Variants in SRPK2 observed in about 807,000 individuals in gnomAD.
SRPK2 encodes SRSF protein kinase 2.
Under a neutral mutation model 90.8 loss-of-function variants are expected in SRPK2, and 21 were observed. The ratio of observed to expected loss-of-function variants is 0.23; its 90% CI spans 0.16 to 0.33. The LOEUF (loss-of-function observed/expected upper bound fraction) is 0.33, where lower values mean the gene tolerates loss of function less well. Ranked by LOEUF, SRPK2 falls within the 10% of genes least tolerant of loss-of-function variation. The pLI is 1.00. For synonymous variants in SRPK2, 288 were observed against 311.1 expected (o/e 0.93, Z 0.78); for missense variants, 620 against 869.0 (o/e 0.71, Z 3.60).
chr7:105,126,112 C>G, intron 15 of SRPK2, 136 bp downstream of exon 15: 1 of 777,956 alleles, frequency 1.3e-6, no homozygotes, highest in African/African-American at 1.7e-5. Context: ...GACAATTTTT[C>G]TATCAGCATA....
At chr7:105,341,776 G>A (rs1437983613) in intron 2 of SRPK2, among the ~76,000 whole-genome samples, 1 of 152,114 alleles carries the variant, frequency 6.6e-6, no homozygotes, top group African/African-American at 2.4e-5. Context: ...AAACCAGCCT[G>A]GCCAACATGG....
At chr7:105,330,696 A>C (rs1458951399) in intron 2 of SRPK2, among the ~76,000 whole-genome samples, 1 of 152,224 alleles carries the variant, frequency 6.6e-6, no homozygotes, top group Non-Finnish European at 1.5e-5. Flanking sequence ...TGGTGGCAAG[A>C]GGGTCACGTG....
intron 6 of SRPK2, among the ~76,000 whole-genome samples, chr7:105,161,380 T>C (rs1807627105): frequency 6.6e-6 from 1 of 152,306 alleles, no homozygotes; most frequent in East Asian, 1.9e-4. Context: ...AATCTATGAA[T>C]GGGGAACCAG....
upstream of SRPK2, among the ~76,000 whole-genome samples, chr7:105,390,418 G>T (rs1822128619): frequency 6.6e-6 from 1 of 151,276 alleles, no homozygotes. Flanking sequence ...TTTGTGTTTT[G>T]GTTTTCTTTC....
At chr7:105,331,338 C>A (rs868318249) in intron 2 of SRPK2, among the ~76,000 whole-genome samples, 9,733 of 56,962 alleles carry the variant, frequency 0.17, 23 homozygotes, top group African/African-American at 0.21. Context: ...AAAAAAAAAA[C>A]AAATAGTTAT....
intron 2 of SRPK2, among the ~76,000 whole-genome samples, chr7:105,359,026 C>A (rs968248181): frequency 5.9e-5 from 9 of 151,968 alleles, no homozygotes; most frequent in African/African-American, 2.2e-4. Context: ...AAGAATGACA[C>A]CTCAAGCCAT....
At chr7:105,136,782 C>T (rs1397192008) in intron 11 of SRPK2, among the ~76,000 whole-genome samples, 2 of 152,060 alleles carry the variant, frequency 1.3e-5, no homozygotes, top group Non-Finnish European at 2.9e-5. Flanking sequence ...ACTATGAGGC[C>T]CAAGGAAGTA....
At position 105,293,455 on chromosome 7, in the gene SRPK2, G is replaced by A. The variant is rs915155424; in HGVS notation, c.72-89670C>T. Reference sequence around the variant, plus strand: ...ATACAAATATCATTTCCTTTTTTGTGGGGGGGTGGGAGACAGAGTCTTTGC... The same window carrying A: ...ATACAAATATCATTTCCTTTTTTGTAGGGGGGTGGGAGACAGAGTCTTTGC... On this transcript the variant is annotated intron_variant, in intron 2 of 15. Transcript: ENST00000393651. Among the ~76,000 whole-genome samples, 6 of 151,078 alleles carry A rather than the reference G, an allele frequency of 4.0e-5. No homozygotes were observed. In the South Asian group the frequency reaches 8.4e-4, roughly 21 times the overall value.
intron 7 of SRPK2, among the ~76,000 whole-genome samples, chr7:105,151,362 GGGA>G (rs1284117652): frequency 6.6e-6 from 1 of 152,136 alleles, no homozygotes; most frequent in Non-Finnish European, 1.5e-5. Flanking sequence ...TCTCATCTAT[GGGA>G]GGGGGAAACA....
intron 3 of SRPK2, among the ~76,000 whole-genome samples, chr7:105,178,317 A>G (rs1034326013): frequency 7.9e-5 from 12 of 152,348 alleles, no homozygotes; most frequent in African/African-American, 2.9e-4. Context: ...CCTCTGGCAC[A>G]ACCATTAAAC....
At chr7:105,169,390 A>C in intron 3 of SRPK2, 125 bp from the exon 4 acceptor site, 1 of 664,370 alleles carries the variant, frequency 1.5e-6, no homozygotes, top group Non-Finnish European at 2.5e-6. Context: ...AGACTAAAAC[A>C]TGTTTAATAA....
intron 2 of SRPK2, among the ~76,000 whole-genome samples, chr7:105,258,117 A>AT (rs1287765284): frequency 1.3e-5 from 2 of 151,646 alleles, no homozygotes; most frequent in Non-Finnish European, 1.5e-5. Flanking sequence ...AAACAAAAAA[A>AT]AAAGGAAAGC....
At chr7:105,138,747 C>T (rs112070584) in intron 11 of SRPK2, among the ~76,000 whole-genome samples, 3,000 of 152,168 alleles carry the variant, frequency 0.02, 109 homozygotes, top group African/African-American at 0.069. Flanking sequence ...TGCAGTGAAC[C>T]GAGATCACGC....
intron 2 of SRPK2, among the ~76,000 whole-genome samples, chr7:105,212,765 G>T (rs1270964635): frequency 6.6e-6 from 1 of 152,186 alleles, no homozygotes; most frequent in Non-Finnish European, 1.5e-5. Context: ...CCAGGACAGA[G>T]ATGATTAAAA....
At chr7:105,399,196 G>A (rs1822403349) in exon 1 of SRPK2, 1 of 152,196 alleles carries the variant, frequency 6.6e-6, no homozygotes, top group African/African-American at 2.4e-5. Context: ...TTTAGCTGGT[G>A]AGTCAAGATG....
chr7:105,238,725 T>C (rs1800434249), intron 2 of SRPK2, among the ~76,000 whole-genome samples: 1 of 147,304 alleles, frequency 6.8e-6, no homozygotes, highest in Non-Finnish European at 1.5e-5. Flanking sequence ...TTCATTTTTA[T>C]TAAAATTAAA....
intron 11 of SRPK2, among the ~76,000 whole-genome samples, chr7:105,139,803 C>G (rs969392686): frequency 2.0e-5 from 3 of 151,966 alleles, no homozygotes; most frequent in African/African-American, 7.3e-5. Context: ...CCATTTCTTT[C>G]TTTTGATAGA....
chr7:105,305,119 G>A (rs1425322848), intron 2 of SRPK2, among the ~76,000 whole-genome samples: 1 of 152,072 alleles, frequency 6.6e-6, no homozygotes, highest in South Asian at 2.1e-4. Flanking sequence ...AAATCTTGGA[G>A]ACAACAGAGG....
intron 7 of SRPK2, among the ~76,000 whole-genome samples, chr7:105,153,876 G>C (rs1010820131): frequency 1.3e-5 from 2 of 152,158 alleles, no homozygotes; most frequent in African/African-American, 4.8e-5. Flanking sequence ...GACACCAGAG[G>C]GGTTCTCCGC....
Sources: gnomAD v4.1 joint callset for allele counts (sites outside exome capture counted in the v4.1 genomes callset) on GRCh38, gnomAD v4.1.1 for gene constraint, MANE v1.5 for transcripts, NCBI Gene and HGNC (gene_info 2026-07-23, HGNC 2026-07-21) for gene names.